REV3L: variants seen among roughly 807,000 people sequenced by gnomAD.
The protein encoded by REV3L is REV3 like, DNA directed polymerase zeta catalytic subunit, also known as DNA polymerase zeta catalytic subunit.
Under a neutral mutation model 299.4 loss-of-function variants are expected in REV3L, and 69 were observed. That is an observed-to-expected ratio of 0.23 (90% CI 0.19 to 0.28). REV3L has a LOEUF of 0.28. Ranked by LOEUF, REV3L falls within the 10% of genes least tolerant of loss-of-function variation. The pLI, the probability that REV3L is intolerant of heterozygous loss-of-function variation, is 1.00. For synonymous variants in REV3L, 1,238 were observed against 1,271.4 expected (o/e 0.97, Z 0.56); for missense variants, 3,128 against 3,693.8 (o/e 0.85, Z 3.97).
At chr6:111,322,821 T>C (rs528984451) in intron 25 of REV3L, 143 bp from the exon 26 acceptor site, 101 of 628,926 alleles carry the variant, frequency 1.6e-4, no homozygotes, top group Non-Finnish European at 2.5e-4. Context: ...AAAATAGCCA[T>C]CAGTATCATC....
chr6:111,451,196 G>A (rs953502973), intron 1 of REV3L, among the ~76,000 whole-genome samples: 8 of 152,154 alleles, frequency 5.3e-5, no homozygotes, highest in African/African-American at 1.9e-4. Flanking sequence ...GAAAGCCAGA[G>A]CAGAGTTGAG....
At chr6:111,425,186 C>T (rs769965805) in intron 1 of REV3L, among the ~76,000 whole-genome samples, 7 of 152,082 alleles carry the variant, frequency 4.6e-5, no homozygotes, top group South Asian at 4.1e-4. Flanking sequence ...CTGCCGGGCG[C>T]GGTGGCTCAT....
rs569979650 is a variant in REV3L at position 111,412,252 on chromosome 6, G to A, written c.330-698C>T. 7.1e-5 allele frequency: 70 copies of A among 985,168 alleles called. 1 individual carries two copies. In the African/African-American group the frequency reaches 1.2e-3, roughly 16 times the overall value. 61.0% of individuals were successfully genotyped at this position (985,168 alleles called of 1,614,324 possible). A position where few individuals can be genotyped will look rare whatever the true frequency, so the allele number is the denominator to read the frequency against. On this transcript the variant is annotated intron_variant, in intron 2 of 31. Transcript: ENST00000368802. ...TGAAAAAGACCATGGACTTACTTAAGCAACATAATCATGTTATGGCTGAGT... is the reference window on the plus strand; with the variant it reads ...TGAAAAAGACCATGGACTTACTTAAACAACATAATCATGTTATGGCTGAGT...
intron 1 of REV3L, among the ~76,000 whole-genome samples, chr6:111,453,736 C>A (rs537682458): frequency 1.4e-3 from 220 of 152,250 alleles, no homozygotes; most frequent in Admixed American, 5.0e-3. Flanking sequence ...ATAATCCCAG[C>A]ACTTTGGGAG....
At chr6:111,396,634 T>C (rs1782542614) in intron 4 of REV3L, among the ~76,000 whole-genome samples, 2 of 152,172 alleles carry the variant, frequency 1.3e-5, no homozygotes, top group Admixed American at 6.5e-5. Flanking sequence ...CTTTTCTTTA[T>C]TGGGAGACCT....
At chr6:111,458,534 C>T (rs1377796459) in intron 1 of REV3L, among the ~76,000 whole-genome samples, 1 of 151,976 alleles carries the variant, frequency 6.6e-6, no homozygotes. Flanking sequence ...CAGAAAACTC[C>T]GAAGACTCCA....
In REV3L at chr6:111,332,071, TTTA is replaced by T. The variant is rs1217161847; in HGVS notation, c.7926-290_7926-288del. On this transcript the variant is annotated intron_variant, in intron 23 of 31. Transcript: ENST00000368802. The stretch of plus-strand genomic sequence containing the variant: ...CTCAACATCTGATCATCTTATTTAT[TTTA>T]TTATTATTATTTTTTGAGATGGAGT... 3.3e-5 allele frequency among the ~76,000 whole-genome samples: 5 copies of T among 152,184 alleles called. No homozygotes were observed. The South Asian group carries it at 6.2e-4, about 19-fold the overall frequency.
chr6:111,419,973 T>C (rs185428500), intron 1 of REV3L, among the ~76,000 whole-genome samples: 1 of 151,946 alleles, frequency 6.6e-6, no homozygotes, highest in Admixed American at 6.6e-5. Context: ...GCCTCCGGAG[T>C]AGCTGGGACT....
In REV3L at chr6:111,376,752, G is replaced by A. The variant is rs763191489; in HGVS notation, c.1603C>T (p.Pro535Ser). The A allele has an allele frequency of 1.3e-6, 2 of 1,568,134 alleles. No homozygotes were observed. The highest frequency in any genetic ancestry group is 1.7e-6 in the Non-Finnish European group (2 of 1,167,192). ...DGTADENSDNPLNNENSRTHS... is the reference protein window; with the variant it reads ...DGTADENSDNSLNNENSRTHS... Reference sequence around the variant, plus strand: ...GTTCTAGAATTTTCATTGTTCAATGGATTGTCTGAAATGAGGAGGGAAAAA... The same window carrying A: ...GTTCTAGAATTTTCATTGTTCAATGAATTGTCTGAAATGAGGAGGGAAAAA... The change falls in exon 13 of 32, where the codon CCA becomes TCA. Residue 535 changes from proline (P) to serine (S), a missense_variant. By Grantham distance (74) the Pro-to-Ser change is moderately conservative. Around this residue, in one of 9 missense-constraint regions of REV3L, gnomAD observed 2,409 missense variants for 2,611.8 expected, o/e 0.92. Transcript: ENST00000368802.
At position 111,377,783 on chromosome 6, in the gene REV3L, T is replaced by C. The variant is rs138212529; in HGVS notation, c.1515A>G (p.Glu505=). ...AACTGTTATCACTCCATTCCATTTCTTCTCCTGAAGATGAGTCATCATCTT... is the reference window on the plus strand; with the variant it reads ...AACTGTTATCACTCCATTCCATTTCCTCTCCTGAAGATGAGTCATCATCTT... ...STEDDDSSSG[E]EMEWSDNSLL... is the part of the protein sequence containing the mutation. Residue 505 remains glutamate, a synonymous_variant, in exon 12 of 32, where the codon GAA becomes GAG. Transcript: ENST00000368802. 1.9e-5 allele frequency: 30 copies of C among 1,613,560 alleles called. No homozygotes were observed. In the African/African-American group the frequency reaches 4.0e-4, roughly 22 times the overall value.
chr6:111,344,062 C>T lies in REV3L; in HGVS notation c.7420-19G>A, dbSNP rs1334388626. ...GAGCCACCTAAAAAAAAAGGCAAGA[C>T]ACCATTATAATAATGCTTACATTTA... is the stretch of plus-strand genomic sequence containing the variant. On this transcript the variant is annotated intron_variant, in intron 20 of 31. Transcript: ENST00000368802. 1 of 1,513,524 alleles carries T rather than the reference C, an allele frequency of 6.6e-7. No individual in the cohort carries two copies. The highest frequency in any genetic ancestry group is 9.1e-7 in the Non-Finnish European group (1 of 1,103,398). The allele number at this position is 1,513,524 out of a possible 1,614,324, so 93.8% of individuals were successfully genotyped here. A position where few individuals can be genotyped will look rare whatever the true frequency, so the allele number is the denominator to read the frequency against.
At chr6:111,430,386 A>C in intron 1 of REV3L, 1 of 1,309,064 alleles carries the variant, frequency 7.6e-7, no homozygotes, top group Non-Finnish European at 1.1e-6. Flanking sequence ...GATCAAGAAC[A>C]ATGACTACCA....
At chr6:111,307,893 A>C in intron 30 of REV3L, 1 of 299,094 alleles carries the variant, frequency 3.3e-6, no homozygotes, top group Non-Finnish European at 6.4e-6. Flanking sequence ...CCATCAACTC[A>C]TCATTTACAT....
chr6:111,355,235 T>G (rs531297556), intron 18 of REV3L, among the ~76,000 whole-genome samples: 1 of 152,312 alleles, frequency 6.6e-6, no homozygotes, highest in Non-Finnish European at 1.5e-5. Flanking sequence ...TATTAGTACC[T>G]AGCACTGCCC....
At chr6:111,390,217 TGAGAGCAAAC>T in intron 5 of REV3L, 37 bp from the exon 6 acceptor site, 1 of 1,290,426 alleles carries the variant, frequency 7.7e-7, no homozygotes, top group Non-Finnish European at 1.1e-6. Context: ...AATAATTATG[TGAGAGCAAAC>T]TTTCTAACAT....
intron 31 of REV3L, among the ~76,000 whole-genome samples, chr6:111,304,610 TTTC>T (rs1388566507): frequency 6.6e-6 from 1 of 151,454 alleles, no homozygotes; most frequent in Admixed American, 6.6e-5. Context: ...AGCATCGCTT[TTTC>T]TTTTTTTTTT....
intron 1 of REV3L, among the ~76,000 whole-genome samples, chr6:111,418,752 T>C (rs1171135890): frequency 6.6e-6 from 1 of 152,220 alleles, no homozygotes; most frequent in East Asian, 1.9e-4. Context: ...TTTTTTATTA[T>C]AATTGCCTGT....
At chr6:111,343,524 A>G (rs1776731147) in intron 21 of REV3L, among the ~76,000 whole-genome samples, 1 of 152,032 alleles carries the variant, frequency 6.6e-6, no homozygotes, top group African/African-American at 2.4e-5. Flanking sequence ...ACAATAATAC[A>G]CTTTATTTAT....
chr6:111,407,181 G>A (rs1250385767), intron 3 of REV3L, among the ~76,000 whole-genome samples: 1 of 151,976 alleles, frequency 6.6e-6, no homozygotes, highest in Non-Finnish European at 1.5e-5. Flanking sequence ...TTAACCACTC[G>A]GCTATTCCAT....
Sources: gnomAD v4.1 joint callset for allele counts (sites outside exome capture counted in the v4.1 genomes callset) on GRCh38, gnomAD v4.1.1 for gene constraint, gnomAD v4.1.1 regional missense constraint, MANE v1.5 for transcripts, NCBI Gene and HGNC (gene_info 2026-07-23, HGNC 2026-07-21) for gene names.